DPCD: variants seen among roughly 807,000 people sequenced by gnomAD.
The protein encoded by DPCD is protein DPCD.
Under a neutral mutation model 26.4 loss-of-function variants are expected in DPCD, and 20 were observed. The ratio of observed to expected loss-of-function variants is 0.76; its 90% CI spans 0.53 to 1.10. The LOEUF (loss-of-function observed/expected upper bound fraction) is 1.10, where lower values mean the gene tolerates loss of function less well. Ranked by LOEUF, DPCD falls within the 50% of genes least tolerant of loss-of-function variation. The probability of loss-of-function intolerance (pLI) is 0.00; values close to 1 mark genes in which losing one functional copy is unlikely to be tolerated. For missense variants in DPCD, 202 were observed against 253.9 expected, an observed-to-expected ratio of 0.80 and a Z score of 1.39; for synonymous variants, 97 against 94.2, an observed-to-expected ratio of 1.03 and a Z score of -0.17.
chr10:101,604,459 G>A (rs2063720219), intron 4 of DPCD, among the ~76,000 whole-genome samples: 1 of 152,152 alleles, frequency 6.6e-6, no homozygotes, highest in African/African-American at 2.4e-5. Flanking sequence ...ACCCATACTT[G>A]CCTTGTCTCT....
At chr10:101,588,478 G>T in intron 1 of DPCD, 78 bp downstream of exon 1, 1 of 1,536,964 alleles carries the variant, frequency 6.5e-7, no homozygotes, top group South Asian at 1.2e-5. Flanking sequence ...TCAGGGCCTG[G>T]GTCGGCAGAG....
intron 4 of DPCD, among the ~76,000 whole-genome samples, chr10:101,606,613 G>A (rs546854493): frequency 3.3e-5 from 5 of 152,248 alleles, no homozygotes; most frequent in South Asian, 2.1e-4. Context: ...CACCAGGCCC[G>A]CCCTCTTCTT....
chr10:101,607,192 C>T (rs964667316), intron 4 of DPCD, among the ~76,000 whole-genome samples: 3 of 152,196 alleles, frequency 2.0e-5, no homozygotes, highest in East Asian at 1.9e-4. Flanking sequence ...AAGATGTTAA[C>T]ACTTCCTAAC....
chr10:101,600,569 G>A lies in DPCD; in HGVS notation c.146-169G>A, dbSNP rs1045827456. On this transcript the variant is annotated intron_variant, in intron 2 of 5. Transcript: ENST00000370151. This position sits in a 1 kb window ranked among gnomAD's most constrained non-coding sequence, Gnocchi z 4.7. ...CTACTGAAATTTCAGAAGTTGTGAG[G>A]TCCCTCCTTAGATTAACAAAGCTGA... Among the ~76,000 whole-genome samples, 8 of 152,120 alleles carry A rather than the reference G, an allele frequency of 5.3e-5. No individual in the cohort carries two copies. The highest frequency in any genetic ancestry group is 1.9e-4 in the African/African-American group (8 of 41,404).
At chr10:101,607,009 G>A (rs990258184) in intron 4 of DPCD, among the ~76,000 whole-genome samples, 2 of 152,168 alleles carry the variant, frequency 1.3e-5, no homozygotes, top group Admixed American at 6.5e-5. Flanking sequence ...GGTGGTAGGA[G>A]TAGTTCAAGG....
chr10:101,596,724 A>T (rs940836268), intron 2 of DPCD: 11 of 152,140 alleles, frequency 7.2e-5, no homozygotes, highest in African/African-American at 2.7e-4. Flanking sequence ...AATACTCTCC[A>T]TTATTAATTT....
At chr10:101,606,911 G>A (rs1438226909) in intron 4 of DPCD, among the ~76,000 whole-genome samples, 1 of 152,162 alleles carries the variant, frequency 6.6e-6, no homozygotes, top group Non-Finnish European at 1.5e-5. Context: ...TAAGAAGTTG[G>A]TTAACCTCGA....
intron 3 of DPCD, among the ~76,000 whole-genome samples, 166 bp downstream of exon 3, chr10:101,601,028 G>A (rs1398468391): frequency 1.3e-5 from 2 of 152,116 alleles, no homozygotes; most frequent in Admixed American, 6.5e-5. Flanking sequence ...AGACATTTTG[G>A]CTTGATCGTC....
Position 101,600,784 on chromosome 10 carries a change from G to A in DPCD, c.192G>A (p.Trp64Ter). Residue 64 changes from tryptophan to a stop codon, truncating the protein, a stop_gained, in exon 3 of 6, where the codon TGG becomes TGA. Transcript: ENST00000370151. LOFTEE classifies it high-confidence loss of function. This position sits in a 1 kb window ranked among gnomAD's most constrained non-coding sequence, Gnocchi z 4.7. ...VKSALGAMGQ[W>*]QLEVGDPAPL... The stretch of plus-strand genomic sequence containing the variant: ...GTGCCCTGGGAGCCATGGGCCAGTG[G>A]CAGCTTGAAGTAGGAGACCCAGCGC... The A allele has an allele frequency of 6.2e-7, 1 of 1,613,984 alleles. No individual in the cohort carries two copies. Among genetic ancestry groups the A allele is most frequent in the Non-Finnish European group, 8.5e-7 (1 of 1,179,968 alleles).
rs762290583 is a variant in DPCD, at chr10:101,588,415, C to T, written c.64+15C>T. The T allele has an allele frequency of 6.3e-7, 1 of 1,581,144 alleles. No individual in the cohort carries two copies. Among genetic ancestry groups the T allele is most frequent in the South Asian group, 1.2e-5 (1 of 86,684 alleles). ...GCTGCAGGACGGTAACTCGAGGGTC[C>T]CCACGGGCTCCTTCGTTTTTTTCCC... On this transcript the variant is annotated intron_variant, in intron 1 of 5. Coordinates refer to ENST00000370151, the MANE Select transcript of DPCD (RefSeq NM_015448.3).
chr10:101,600,934 GC>G lies in DPCD; in HGVS notation c.270+73del. ...GGCTGTGGGCTGCTGGCTCTTGAGGGCAGGGACCATGTCTTGTTCACCTCCT... is the reference window on the plus strand; with the variant it reads ...GGCTGTGGGCTGCTGGCTCTTGAGGGAGGGACCATGTCTTGTTCACCTCCT... On this transcript the variant is annotated intron_variant, in intron 3 of 5. Transcript: ENST00000370151. This position sits in a 1 kb window ranked among gnomAD's most constrained non-coding sequence, Gnocchi z 4.7. 6.2e-7 allele frequency: 1 copy of G among 1,605,174 alleles called. No homozygotes were observed. The highest frequency in any genetic ancestry group is 8.5e-7 in the Non-Finnish European group (1 of 1,177,448).
At chr10:101,605,528 A>G (rs1272127953) in intron 4 of DPCD, among the ~76,000 whole-genome samples, 4 of 152,238 alleles carry the variant, frequency 2.6e-5, no homozygotes, top group Non-Finnish European at 4.4e-5. Context: ...AGGCCCAGAA[A>G]TTAAGTGACC....
Position 101,603,414 on chromosome 10 carries a change from A to G in DPCD, c.404+2078A>G, listed in dbSNP as rs1451669293. On this transcript the variant is annotated intron_variant, in intron 4 of 5. Transcript: ENST00000370151. This position sits in a 1 kb window ranked among gnomAD's most constrained non-coding sequence, Gnocchi z 4.6. The stretch of plus-strand genomic sequence containing the variant: ...TTTCTCATCAGGGGTTACAGCCTGC[A>G]TAGACATTCTTTTTTATTTTTATTT... Among the ~76,000 whole-genome samples the G allele has an allele frequency of 6.6e-6, 1 of 152,074 alleles. No individual in the cohort carries two copies. Among genetic ancestry groups the G allele is most frequent in the East Asian group, 1.9e-4 (1 of 5,196 alleles).
intron 1 of DPCD, among the ~76,000 whole-genome samples, chr10:101,591,132 TTG>T (rs2063604003): frequency 6.6e-6 from 1 of 152,218 alleles, no homozygotes; most frequent in Admixed American, 6.5e-5. Flanking sequence ...GGTATGGATA[TTG>T]TAGCATGTGT....
intron 4 of DPCD, among the ~76,000 whole-genome samples, chr10:101,604,714 G>A (rs752183788): frequency 2.6e-5 from 4 of 152,208 alleles, no homozygotes; most frequent in Non-Finnish European, 4.4e-5. Context: ...GTTAAATCTG[G>A]CCTCTGCCAC....
At chr10:101,599,629 T>G (rs1464652421) in intron 2 of DPCD, among the ~76,000 whole-genome samples, 1 of 152,186 alleles carries the variant, frequency 6.6e-6, no homozygotes, top group African/African-American at 2.4e-5. Flanking sequence ...ACACAGCTGC[T>G]CAAAAGGTCT....
chr10:101,605,099 G>C, intron 4 of DPCD: 6 of 1,550,484 alleles, frequency 3.9e-6, no homozygotes, highest in Non-Finnish European at 5.2e-6. Context: ...TTTGCCCAGA[G>C]CCTTGATGTT....
At chr10:101,593,026 C>G (rs576618306) in intron 1 of DPCD, among the ~76,000 whole-genome samples, 4 of 113,398 alleles carry the variant, frequency 3.5e-5, no homozygotes, top group Non-Finnish European at 6.3e-5. Flanking sequence ...AAAAAACCCT[C>G]ACTTTTCCTC....
intron 1 of DPCD, chr10:101,588,604 C>T: frequency 2.8e-6 from 4 of 1,405,846 alleles, no homozygotes; most frequent in Non-Finnish European, 3.7e-6. Context: ...TTAGATTCCT[C>T]TACACCATCT....
Sources: gnomAD v4.1 joint callset for allele counts (sites outside exome capture counted in the v4.1 genomes callset) on GRCh38, gnomAD v4.1.1 for gene constraint, Gnocchi (gnomAD v3.1) non-coding constraint, MANE v1.5 for transcripts, NCBI Gene and HGNC (gene_info 2026-07-23, HGNC 2026-07-21) for gene names.